MARCHF1: variants seen among roughly 807,000 people sequenced by gnomAD.
The protein encoded by MARCHF1 is membrane associated ring-CH-type finger 1, also known as E3 ubiquitin-protein ligase MARCHF1.
Under a neutral mutation model 54.2 loss-of-function variants are expected in MARCHF1, and 40 were observed. That is an observed-to-expected ratio of 0.74 (90% confidence interval 0.57 to 0.96). The LOEUF is 0.96. Ranked by LOEUF, MARCHF1 falls within the 40% of genes least tolerant of loss-of-function variation. The pLI is 0.00. For synonymous variants in MARCHF1, 236 were observed against 236.3 expected, an observed-to-expected ratio of 1.00 and a Z score of 0.01; for missense variants, 586 against 656.5, an observed-to-expected ratio of 0.89 and a Z score of 1.17.
chr4:163,619,322 A>G (rs1741606431), intron 5 of MARCHF1, among the ~76,000 whole-genome samples: 2 of 152,200 alleles, frequency 1.3e-5, no homozygotes, highest in Admixed American at 1.3e-4. Flanking sequence ...CCATATATCC[A>G]GGATGCAGTG....
intron 4 of MARCHF1, among the ~76,000 whole-genome samples, chr4:163,737,284 T>C (rs1443055437): frequency 1.2e-5 from 1 of 86,568 alleles, no homozygotes; most frequent in Non-Finnish European, 3.0e-5. Flanking sequence ...GTTACATATG[T>C]ATACATGTGC....
intron 5 of MARCHF1, among the ~76,000 whole-genome samples, chr4:163,658,447 G>A (rs1021226093): frequency 2.0e-5 from 3 of 151,948 alleles, no homozygotes; most frequent in African/African-American, 4.8e-5. Flanking sequence ...TTTACACTGT[G>A]GGTGGAAATG....
chr4:164,227,892 G>A (rs1013507712), intron 1 of MARCHF1, among the ~76,000 whole-genome samples: 3 of 152,082 alleles, frequency 2.0e-5, no homozygotes, highest in African/African-American at 7.2e-5. Context: ...GGATGATACA[G>A]GCTGGTGATT....
At chr4:164,135,529 T>C (rs1384455268) in intron 1 of MARCHF1, 1 of 152,072 alleles carries the variant, frequency 6.6e-6, no homozygotes, top group African/African-American at 2.4e-5. Flanking sequence ...ATGAGAGAAG[T>C]GCAGAGAAGG....
intron 1 of MARCHF1, among the ~76,000 whole-genome samples, chr4:164,207,624 A>T (rs1339500629): frequency 6.6e-6 from 1 of 152,142 alleles, no homozygotes; most frequent in Non-Finnish European, 1.5e-5. Flanking sequence ...GAGCTAGCAG[A>T]TGAAGGGCTG....
intron 4 of MARCHF1, among the ~76,000 whole-genome samples, chr4:163,731,509 C>G (rs191308304): frequency 1.4e-4 from 21 of 152,236 alleles, no homozygotes; most frequent in African/African-American, 4.6e-4. Context: ...TGAGGGAAAA[C>G]CCAGGCAGTG....
chr4:163,735,555 G>C (rs961829468), intron 4 of MARCHF1, among the ~76,000 whole-genome samples: 1 of 152,160 alleles, frequency 6.6e-6, no homozygotes, highest in Admixed American at 6.6e-5. Context: ...TTAATGTGCT[G>C]ACATCTGGTG....
intron 2 of MARCHF1, among the ~76,000 whole-genome samples, chr4:164,007,380 A>G (rs1213283682): frequency 1.3e-5 from 2 of 150,468 alleles, no homozygotes; most frequent in Non-Finnish European, 3.0e-5. Flanking sequence ...AAGAAAGAAA[A>G]AAAAAGCAAA....
At chr4:163,851,690 A>G (rs1295860425) in intron 4 of MARCHF1, among the ~76,000 whole-genome samples, 3 of 152,316 alleles carry the variant, frequency 2.0e-5, no homozygotes, top group East Asian at 3.9e-4. Context: ...CACTAATTCC[A>G]TCTCCTTTTC....
At chr4:163,625,910 C>T (rs1315075040) in intron 5 of MARCHF1, among the ~76,000 whole-genome samples, 5 of 152,086 alleles carry the variant, frequency 3.3e-5, no homozygotes, top group Non-Finnish European at 7.4e-5. Flanking sequence ...AACACATGGC[C>T]CTATTCAGCA....
chr4:164,358,289 A>G (rs570424600), intron 1 of MARCHF1, among the ~76,000 whole-genome samples: 70 of 152,276 alleles, frequency 4.6e-4, no homozygotes, highest in Non-Finnish European at 9.1e-4. Flanking sequence ...TACAGGTCAT[A>G]AAGGGGAAGC....
At position 164,235,951 on chromosome 4, in the gene MARCHF1, T is replaced by C. The variant is rs565152546; in HGVS notation, c.-322-124289A>G. Among the ~76,000 whole-genome samples, 29 of 152,266 alleles carry C rather than the reference T, an allele frequency of 1.9e-4. 1 individual carries two copies. The highest frequency in any genetic ancestry group is 7.0e-4 in the African/African-American group (29 of 41,558). On this transcript the variant is annotated intron_variant, in intron 1 of 9. Transcript: ENST00000514618. Reference sequence around the variant, plus strand: ...GCCTCCTCTCCCCTAGTTCACATCCTTGCCTTTTACACAAGGAGAGGCCGC... The same window carrying C: ...GCCTCCTCTCCCCTAGTTCACATCCCTGCCTTTTACACAAGGAGAGGCCGC...
intron 9 of MARCHF1, among the ~76,000 whole-genome samples, chr4:163,543,048 G>A (rs1738773036): frequency 6.6e-6 from 1 of 152,088 alleles, no homozygotes; most frequent in Non-Finnish European, 1.5e-5. Context: ...CTGAATGAAT[G>A]TTCGGCCTAG....
chr4:163,616,737 A>AC (rs544210263), intron 5 of MARCHF1, among the ~76,000 whole-genome samples: 5 of 151,976 alleles, frequency 3.3e-5, no homozygotes, highest in African/African-American at 9.7e-5. Context: ...ACACACACAC[A>AC]AAAGTAACAA....
chr4:163,636,781 T>A (rs1482438242), intron 5 of MARCHF1, among the ~76,000 whole-genome samples: 1 of 152,116 alleles, frequency 6.6e-6, no homozygotes, highest in African/African-American at 2.4e-5. Flanking sequence ...AGAGCCTGCA[T>A]TGCCAAGTCA....
At chr4:163,708,293 T>C (rs888587554) in intron 4 of MARCHF1, among the ~76,000 whole-genome samples, 6 of 152,074 alleles carry the variant, frequency 3.9e-5, no homozygotes, top group Admixed American at 3.9e-4. Context: ...CTCGGGAGGA[T>C]GGCTGCTTCC....
intron 1 of MARCHF1, among the ~76,000 whole-genome samples, chr4:164,217,636 T>A (rs1194061004): frequency 3.3e-5 from 5 of 152,186 alleles, no homozygotes; most frequent in Non-Finnish European, 7.3e-5. Context: ...ATGCTAGCAC[T>A]GATGGGCTAA....
At chr4:164,004,304 T>C (rs1248829249) in intron 2 of MARCHF1, among the ~76,000 whole-genome samples, 1 of 151,410 alleles carries the variant, frequency 6.6e-6, no homozygotes, top group East Asian at 1.9e-4. Context: ...TAAAATACAA[T>C]GAAACAATAA....
chr4:163,877,283 A>G (rs1750309707), intron 3 of MARCHF1, among the ~76,000 whole-genome samples: 1 of 152,054 alleles, frequency 6.6e-6, no homozygotes, highest in East Asian at 1.9e-4. Context: ...CAATATGTTC[A>G]CCATTTATCT....
Sources: allele counts gnomAD v4.1 joint callset (sites outside exome capture counted in the v4.1 genomes callset), GRCh38; gene constraint gnomAD v4.1.1; transcripts MANE v1.5; gene names NCBI Gene and HGNC (gene_info 2026-07-23, HGNC 2026-07-21).